Variants in RAB5C observed in about 807,000 individuals in gnomAD.
RAB5C encodes the protein RAB5C, member RAS oncogene family, also known as ras-related protein Rab-5C.
A neutral mutation model predicts 25.2 loss-of-function variants in RAB5C; 4 were observed. The observed-to-expected ratio is 0.16, with a 90% CI of 0.08 to 0.36. The LOEUF (loss-of-function observed/expected upper bound fraction) is 0.36. Among genes scored for constraint, RAB5C ranks in the 10% least tolerant of loss-of-function variants. RAB5C has a pLI of 1.00. For missense variants in RAB5C, 199 were observed against 283.8 expected (o/e 0.70, Z 2.15); for synonymous variants, 100 against 106.4 (o/e 0.94, Z 0.37).
At chr17:42,150,355 C>T (rs1277497689) in intron 1 of RAB5C, among the ~76,000 whole-genome samples, 2 of 151,746 alleles carry the variant, frequency 1.3e-5, no homozygotes, top group Non-Finnish European at 2.9e-5. Flanking sequence ...ACCAGCCTGG[C>T]CAACATAGAG....
chr17:42,133,885 C>T (rs894840359), intron 1 of RAB5C, among the ~76,000 whole-genome samples: 11 of 152,148 alleles, frequency 7.2e-5, no homozygotes, highest in Non-Finnish European at 1.0e-4. Context: ...TCTGGCCATC[C>T]CAATGAACTG....
At chr17:42,143,783 A>ATTAT (rs1350759370) in intron 1 of RAB5C, among the ~76,000 whole-genome samples, 1 of 152,100 alleles carries the variant, frequency 6.6e-6, no homozygotes, top group Non-Finnish European at 1.5e-5. Context: ...GTAACATTGG[A>ATTAT]TTATTTATTT....
chr17:42,130,144 A>G lies in RAB5C; in HGVS notation c.166+193T>C, dbSNP rs537710492. On this transcript the variant is annotated intron_variant, in intron 2 of 5. Transcript: ENST00000346213. The stretch of plus-strand genomic sequence containing the variant: ...TTTCCACTCCCAGCAAATGCTTACT[A>G]GCGATGCTTGAGGGGACTCTGGCAT... 9.3e-5 allele frequency: 63 copies of G among 677,728 alleles called. No homozygotes were observed. In the East Asian group the frequency reaches 1.7e-3, roughly 19 times the overall value. 42.0% of individuals were successfully genotyped at this position (677,728 alleles called of 1,614,324 possible).
intron 2 of RAB5C, chr17:42,130,116 A>G (rs1262613803): frequency 8.5e-6 from 5 of 590,786 alleles, no homozygotes; most frequent in Non-Finnish European, 8.5e-6. Context: ...ATGGGAAGCT[A>G]GCTTTCCACT....
At chr17:42,147,657 T>A (rs963264891) in intron 1 of RAB5C, among the ~76,000 whole-genome samples, 1 of 152,220 alleles carries the variant, frequency 6.6e-6, no homozygotes, top group African/African-American at 2.4e-5. Flanking sequence ...ATTGACCTGT[T>A]TGCTCTCCCA....
At chr17:42,128,530 T>TGGGGGGGGG in intron 3 of RAB5C, 119 bp downstream of exon 3, 2 of 730,794 alleles carry the variant, frequency 2.7e-6, no homozygotes, top group Non-Finnish European at 2.1e-6. Flanking sequence ...ACAGGAAATC[T>TGGGGGGGGG]GCCCACCCCC....
Position 42,128,747 on chromosome 17 carries a change from T to C in RAB5C, c.220A>G (p.Ile74Val). The change falls in exon 3 of 6, where the codon ATC becomes GTC. Residue 74 changes from isoleucine (I) to valine (V), a missense_variant. Ile to Val is a conservative substitution (Grantham distance 29). This residue lies in a region of RAB5C where 154 missense variants were observed against 199.6 expected (regional missense o/e 0.77). Coordinates refer to ENST00000346213, the MANE Select transcript of RAB5C (RefSeq NM_004583.4). The stretch of plus-strand genomic sequence containing the variant: ...CGCTCCTGTCCAGCTGTGTCCCAGA[T>C]CTCAAACTTGACTGTTGTGTCATCC... ...CLDDTTVKFE[I>V]WDTAGQERYH... The C allele has an allele frequency of 6.3e-7, 1 of 1,584,686 alleles. No individual in the cohort carries two copies. Among genetic ancestry groups the C allele is most frequent in the Non-Finnish European group, 8.6e-7 (1 of 1,165,980 alleles).
chr17:42,130,433 G>A lies in RAB5C; in HGVS notation c.70C>T (p.Leu24=), dbSNP rs780450538. ...AAGNKICQFK[L]VLLGESAVGK... is the part of the protein sequence containing the mutation. Reference sequence around the variant, plus strand: ...ACCGCAGACTCCCCCAGCAGAACCAGCTTAAATTGACAGATCTTGTTCCCA... The same window carrying A: ...ACCGCAGACTCCCCCAGCAGAACCAACTTAAATTGACAGATCTTGTTCCCA... Residue 24 remains leucine (L), a synonymous_variant, in exon 2 of 6, where the codon CTG becomes TTG. Coordinates refer to ENST00000346213, the MANE Select transcript of RAB5C (RefSeq NM_004583.4). The A allele has an allele frequency of 6.2e-7, 1 of 1,614,212 alleles. No individual in the cohort carries two copies. Among genetic ancestry groups the A allele is most frequent in the Non-Finnish European group, 8.5e-7 (1 of 1,180,036 alleles).
chr17:42,137,959 G>A (rs2054554582), intron 1 of RAB5C: 1 of 151,944 alleles, frequency 6.6e-6, no homozygotes, highest in Non-Finnish European at 1.5e-5. Flanking sequence ...ATACCCAAAT[G>A]TTAAACACAA....
intron 1 of RAB5C, among the ~76,000 whole-genome samples, chr17:42,134,098 A>C (rs2054512576): frequency 6.6e-6 from 1 of 152,110 alleles, no homozygotes; most frequent in African/African-American, 2.4e-5. Flanking sequence ...CAATTTTGCT[A>C]GGAAGGGCGC....
chr17:42,128,568 T>G (rs2054452429), intron 3 of RAB5C, 81 bp downstream of exon 3: 4 of 1,056,836 alleles, frequency 3.8e-6, no homozygotes, highest in Non-Finnish European at 4.9e-6. Flanking sequence ...TTAAGCGGCC[T>G]GAAATCAGGG....
chr17:42,125,682 C>G lies in RAB5C; in HGVS notation c.*101G>C, dbSNP rs1263388996. On this transcript the variant is annotated 3_prime_UTR_variant, in exon 6 of 6. Transcript: ENST00000346213. ...TCATGGTGGACCCCTCCCCCTGCCC[C>G]CCCAGTGGTGGCCCGAGTCGTTAAG... is the stretch of plus-strand genomic sequence containing the variant. 1 of 779,266 alleles carries G rather than the reference C, an allele frequency of 1.3e-6. No individual in the cohort carries two copies. Among genetic ancestry groups the G allele is most frequent in the African/African-American group, 1.7e-5 (1 of 58,248 alleles). The allele number at this position is 779,266 out of a possible 1,614,324, so 48.3% of individuals were successfully genotyped here.
chr17:42,135,260 ATTTTT>A (rs544805007), intron 1 of RAB5C, among the ~76,000 whole-genome samples: 1 of 134,148 alleles, frequency 7.5e-6, no homozygotes. Context: ...GCCACCTGTA[ATTTTT>A]TTTTTTTTTT....
chr17:42,130,299 C>T lies in RAB5C; in HGVS notation c.166+38G>A, dbSNP rs1373376069. On this transcript the variant is annotated intron_variant, in intron 2 of 5. Transcript: ENST00000346213. ...CAAGGTCAAAGCATTTCTTTGGCAA[C>T]CTTCAGGCCCCTCCCCGACTCCCTC... 12 of 1,554,124 alleles carry T rather than the reference C, an allele frequency of 7.7e-6. No individual in the cohort carries two copies. The African/African-American group carries it at 1.4e-4, about 18-fold the overall frequency.
intron 1 of RAB5C, among the ~76,000 whole-genome samples, chr17:42,146,942 G>A (rs1289259755): frequency 6.6e-6 from 1 of 151,890 alleles, no homozygotes; most frequent in Non-Finnish European, 1.5e-5. Context: ...GGAGCTTGCA[G>A]TGAGCCGAGA....
intron 4 of RAB5C, among the ~76,000 whole-genome samples, chr17:42,127,361 C>T (rs1480580797): frequency 6.6e-6 from 1 of 152,084 alleles, no homozygotes; most frequent in Non-Finnish European, 1.5e-5. Context: ...AGTTGAGTTT[C>T]TAGGGTTAGC....
chr17:42,153,525 C>A (rs1044972176), intron 1 of RAB5C, among the ~76,000 whole-genome samples: 7 of 152,106 alleles, frequency 4.6e-5, no homozygotes, highest in Non-Finnish European at 7.3e-5. Flanking sequence ...CACCTCAAGG[C>A]CAAAAAACAC....
At chr17:42,152,053 C>T (rs551588295) in intron 1 of RAB5C, among the ~76,000 whole-genome samples, 9 of 151,882 alleles carry the variant, frequency 5.9e-5, no homozygotes, top group Admixed American at 2.0e-4. Flanking sequence ...AATGTATGAT[C>T]GATCTTAGGC....
Position 42,128,760 on chromosome 17 carries a change from T to C in RAB5C, c.207A>G (p.Thr69=), listed in dbSNP as rs772303045. 5 of 1,580,484 alleles carry C rather than the reference T, an allele frequency of 3.2e-6. No homozygotes were observed. The East Asian group carries it at 9.3e-5, about 29-fold the overall frequency. ...CTGTGTCCCAGATCTCAAACTTGAC[T>C]GTTGTGTCATCCAGGCAGACAGTCT... ...LTQTVCLDDT[T]VKFEIWDTAG... The change falls in exon 3 of 6, where the codon ACA becomes ACG. Residue 69 remains threonine, a synonymous_variant. Coordinates refer to ENST00000346213, the MANE Select transcript of RAB5C (RefSeq NM_004583.4).
Sources: gnomAD v4.1 joint callset for allele counts (sites outside exome capture counted in the v4.1 genomes callset) on GRCh38, gnomAD v4.1.1 for gene constraint, gnomAD v4.1.1 regional missense constraint, MANE v1.5 for transcripts, NCBI Gene and HGNC (gene_info 2026-07-23, HGNC 2026-07-21) for gene names.